WARS1: variants seen among roughly 807,000 people sequenced by gnomAD.
WARS1 encodes the protein tryptophanyl-tRNA synthetase 1.
A neutral mutation model predicts 47.8 loss-of-function variants in WARS1; 17 were observed. The ratio of observed to expected loss-of-function variants is 0.36; its 90% CI spans 0.24 to 0.53. The LOEUF is 0.53. Ranked by LOEUF, WARS1 falls within the 20% of genes least tolerant of loss-of-function variation. The pLI is 0.91. For missense variants in WARS1, 434 were observed against 608.0 expected (o/e 0.71, Z 3.01); for synonymous variants, 208 against 228.1 (o/e 0.91, Z 0.79).
chr14:100,337,242 C>T (rs750292885), intron 9 of WARS1, 40 bp from the exon 10 acceptor site: 3 of 1,600,018 alleles, frequency 1.9e-6, no homozygotes, highest in Non-Finnish European at 2.6e-6. Context: ...CTCAGTCCTG[C>T]TCATCCTGTG....
intron 2 of WARS1, chr14:100,368,578 G>A (rs1284967274): frequency 2.3e-6 from 1 of 436,588 alleles, no homozygotes; most frequent in Non-Finnish European, 4.6e-6. Context: ...AGGTGGGCTG[G>A]AGGGCCACTG....
At chr14:100,365,162 C>CACAA (rs1555383169) in intron 2 of WARS1, among the ~76,000 whole-genome samples, 1 of 150,952 alleles carries the variant, frequency 6.6e-6, no homozygotes, top group South Asian at 2.1e-4. Flanking sequence ...CACACACACA[C>CACAA]AAATAATGAT....
In WARS1 at chr14:100,356,945, T is replaced by C. The variant is rs912593276; in HGVS notation, c.423-2379A>G. On this transcript the variant is annotated intron_variant, in intron 4 of 10. Coordinates refer to ENST00000392882, the MANE Select transcript of WARS1 (RefSeq NM_004184.4). ...ATTATACACTATGATTGAAAATAAA[T>C]TGATTTTCAACACCATGATTAAGTG... Among the ~76,000 whole-genome samples the C allele has an allele frequency of 3.9e-4, 59 of 152,182 alleles. 1 individual carries two copies. The highest frequency in any genetic ancestry group is 1.0e-4 in the Non-Finnish European group (7 of 68,024).
intron 9 of WARS1, chr14:100,340,320 G>A (rs1457228706): frequency 2.0e-5 from 3 of 152,402 alleles, no homozygotes; most frequent in East Asian, 1.9e-4. Context: ...GATGATGGAA[G>A]TGGGTGACCA....
At chr14:100,353,424 T>C (rs1292912692) in intron 6 of WARS1, among the ~76,000 whole-genome samples, 1 of 50,060 alleles carries the variant, frequency 2.0e-5, no homozygotes, top group Non-Finnish European at 4.6e-5. Flanking sequence ...CTAATTTTTG[T>C]ATTTTCAATA....
chr14:100,356,400 G>GGT (rs1895322066), intron 4 of WARS1, among the ~76,000 whole-genome samples: 1 of 118,514 alleles, frequency 8.4e-6, no homozygotes, highest in African/African-American at 3.9e-5. Context: ...TGTGTGTGTG[G>GGT]GGGGGGGTGT....
At chr14:100,336,908 A>G in intron 10 of WARS1, 154 bp downstream of exon 10, 2 of 1,059,052 alleles carry the variant, frequency 1.9e-6, no homozygotes, top group Non-Finnish European at 2.7e-6. Flanking sequence ...GCCCAGGCCT[A>G]AAAACCATGA....
chr14:100,352,108 CTTTTTTTTTT>C (rs1172421175), intron 6 of WARS1, among the ~76,000 whole-genome samples: 1 of 94,244 alleles, frequency 1.1e-5, no homozygotes, highest in Non-Finnish European at 2.0e-5. Context: ...CAGTTTCTTT[CTTTTTTTTTT>C]TTTTTTTTTT....
chr14:100,337,105 G>C lies in WARS1; in HGVS notation c.1211C>G (p.Thr404Ser), dbSNP rs909129151. Residue 404 changes from threonine to serine, a missense_variant, in exon 10 of 11, where the codon ACC becomes AGC. This residue lies in a region of WARS1 where 347 missense variants were observed against 523.8 expected (regional missense o/e 0.66). Transcript: ENST00000392882. Reference sequence around the variant, plus strand: ...CTTGTCGTCGTCCTCGAGGAAGAAGGTCAGGTACATGAAAGACACGTCCAC... The same window carrying C: ...CTTGTCGTCGTCCTCGAGGAAGAAGCTCAGGTACATGAAAGACACGTCCAC... ...CDVDVSFMYL[T>S]FFLEDDDKLE... is the part of the protein sequence containing the mutation. The C allele has an allele frequency of 1.2e-6, 2 of 1,614,152 alleles. No homozygotes were observed. Among genetic ancestry groups the C allele is most frequent in the South Asian group, 1.1e-5 (1 of 91,082 alleles).
Position 100,360,664 on chromosome 14 carries a change from TG to T in WARS1, c.314-3del. ...CAATTTTACTACTTCCAAACCGAACTGGAAAAAAAGAAAAGATGACTTTCTT... is the reference window on the plus strand; with the variant it reads ...CAATTTTACTACTTCCAAACCGAACTGAAAAAAAGAAAAGATGACTTTCTT... On this transcript the variant is annotated splice_region_variant and splice_polypyrimidine_tract_variant and intron_variant, in intron 3 of 10. Transcript: ENST00000392882. 1.2e-6 allele frequency: 2 copies of T among 1,608,126 alleles called. No individual in the cohort carries two copies. The highest frequency in any genetic ancestry group is 1.7e-6 in the Non-Finnish European group (2 of 1,176,984).
chr14:100,360,757 A>G, intron 3 of WARS1, 95 bp from the exon 4 acceptor site: 3 of 883,342 alleles, frequency 3.4e-6, no homozygotes, highest in Non-Finnish European at 5.3e-6. Context: ...ATCCATGCAC[A>G]ATCTTAATGA....
chr14:100,357,505 G>A (rs1045901802), intron 4 of WARS1, among the ~76,000 whole-genome samples: 10 of 150,072 alleles, frequency 6.7e-5, no homozygotes, highest in Non-Finnish European at 1.3e-4. Context: ...CTTTTTGCCC[G>A]GGCTGGAGTG....
At chr14:100,370,657 T>G (rs571924329) in intron 1 of WARS1, 1 of 152,246 alleles carries the variant, frequency 6.6e-6, no homozygotes, top group Admixed American at 6.5e-5. Context: ...TGAAATAGAT[T>G]TGTAATCTCC....
At chr14:100,366,680 T>C (rs1430518769) in intron 2 of WARS1, 2 of 782,184 alleles carry the variant, frequency 2.6e-6, no homozygotes, top group Non-Finnish European at 4.7e-6. Context: ...ACTTCTAGAT[T>C]ACAGACAACG....
intron 9 of WARS1, among the ~76,000 whole-genome samples, chr14:100,339,358 A>G (rs185451882): frequency 0.015 from 2,256 of 152,196 alleles, 44 homozygotes; most frequent in African/African-American, 0.047. Context: ...TTGGGAGGCC[A>G]AGGCGGGCAG....
In WARS1 at chr14:100,334,705, A is replaced by G. The variant is rs1893588918; in HGVS notation, c.*170T>C. The G allele has an allele frequency of 2.9e-6, 2 of 683,982 alleles. No individual in the cohort carries two copies. The highest frequency in any genetic ancestry group is 3.6e-5 in the African/African-American group (2 of 55,336). 42.4% of individuals were successfully genotyped at this position (683,982 alleles called of 1,614,324 possible). A position where few individuals can be genotyped will look rare whatever the true frequency, so the allele number is the denominator to read the frequency against. On this transcript the variant is annotated 3_prime_UTR_variant, in exon 11 of 11. Coordinates refer to ENST00000392882, the MANE Select transcript of WARS1 (RefSeq NM_004184.4). ...GCTTTGCCCATAAGAGATAGAAATAATGGAACTCACAGGAAGAAACAGTAT... is the reference window on the plus strand; with the variant it reads ...GCTTTGCCCATAAGAGATAGAAATAGTGGAACTCACAGGAAGAAACAGTAT...
intron 10 of WARS1, chr14:100,336,820 G>A (rs1032786111): frequency 4.4e-6 from 2 of 451,228 alleles, no homozygotes; most frequent in Non-Finnish European, 7.9e-6. Context: ...GACTAATAAA[G>A]CAAGACTGTT....
intron 9 of WARS1, among the ~76,000 whole-genome samples, chr14:100,340,846 G>C (rs769685642): frequency 2.6e-5 from 4 of 151,958 alleles, no homozygotes; most frequent in Non-Finnish European, 4.4e-5. Flanking sequence ...TGCTCACCTC[G>C]AGGGCTCTAC....
At chr14:100,339,307 G>A (rs962486383) in intron 9 of WARS1, among the ~76,000 whole-genome samples, 7 of 151,580 alleles carry the variant, frequency 4.6e-5, no homozygotes, top group African/African-American at 1.7e-4. Flanking sequence ...AGGCCCATGC[G>A]AGGGGCTGGC....
Sources: gnomAD v4.1 joint callset for allele counts (sites outside exome capture counted in the v4.1 genomes callset) on GRCh38, gnomAD v4.1.1 for gene constraint, gnomAD v4.1.1 regional missense constraint, MANE v1.5 for transcripts, NCBI Gene and HGNC (gene_info 2026-07-23, HGNC 2026-07-21) for gene names.